ODR4: variants seen among roughly 807,000 people sequenced by gnomAD.
The protein encoded by ODR4 is odr-4 GPCR localization factor homolog.
ODR4 carries 47 observed loss-of-function variants against 60.2 expected under a neutral mutation model. The observed-to-expected ratio is 0.78, with a 90% CI of 0.62 to 1.00. ODR4 has a LOEUF of 1.00. Among genes scored for constraint, ODR4 ranks in the 50% least tolerant of loss-of-function variants. The probability of loss-of-function intolerance (pLI) is 0.00; values close to 1 mark genes in which losing one functional copy is unlikely to be tolerated. For missense variants in ODR4, 488 were observed against 530.8 expected (o/e 0.92, Z 0.79); for synonymous variants, 178 against 175.5 (o/e 1.01, Z -0.11).
At position 186,409,553 on chromosome 1, in the gene ODR4, G is replaced by A. The variant is rs1661295302; in HGVS notation, c.1186+3285G>A. On this transcript the variant is annotated intron_variant, in intron 12 of 13. Transcript: ENST00000287859. ...CAAGGAGCTAAGTAGATTTTTGTTT[G>A]TTTGTTTTTTGAGACGGAGTCTCGC... Among the ~76,000 whole-genome samples the A allele has an allele frequency of 2.6e-5, 4 of 152,276 alleles. 1 individual carries two copies. In the South Asian group the frequency reaches 8.3e-4, roughly 32 times the overall value.
At chr1:186,389,087 C>T (rs1237976698) in intron 5 of ODR4, among the ~76,000 whole-genome samples, 3 of 151,766 alleles carry the variant, frequency 2.0e-5, no homozygotes, top group Admixed American at 6.6e-5. Context: ...AGGAGTGACA[C>T]GATCCATGGA....
At chr1:186,391,814 T>C in intron 8 of ODR4, 23 bp downstream of exon 8, 2 of 1,412,838 alleles carry the variant, frequency 1.4e-6, no homozygotes, top group South Asian at 1.2e-5. Context: ...AAAATCATCT[T>C]ATTAAATTGT....
chr1:186,423,443 CTTTTTTTTTTTT>C (rs34515188), downstream of ODR4, among the ~76,000 whole-genome samples: 49 of 44,742 alleles, frequency 1.1e-3, no homozygotes, highest in Middle Eastern at 0.025. Flanking sequence ...ACTACTTGTG[CTTTTTTTTTTTT>C]TTTTTTTTTT....
intron 11 of ODR4, among the ~76,000 whole-genome samples, chr1:186,404,089 G>A (rs1029126514): frequency 1.3e-5 from 2 of 152,064 alleles, no homozygotes; most frequent in Non-Finnish European, 2.9e-5. Context: ...TACCAGCTAG[G>A]ACATTTAACC....
At chr1:186,379,708 TAA>T (rs1235216680) in intron 1 of ODR4, 57 bp from the exon 2 acceptor site, 13 of 907,986 alleles carry the variant, frequency 1.4e-5, no homozygotes, top group Non-Finnish European at 2.0e-5. Context: ...ACTCCCATGA[TAA>T]AGACATTGCA....
At chr1:186,433,079 CG>C in the ODR4 span, among the ~76,000 whole-genome samples, 1 of 152,026 alleles carries the variant, frequency 6.6e-6, no homozygotes, top group East Asian at 1.9e-4. Flanking sequence ...CTACCGCACC[CG>C]GCCAGATATT....
chr1:186,410,387 C>T lies in ODR4; in HGVS notation c.1186+4119C>T, dbSNP rs534286703. 4.6e-5 allele frequency among the ~76,000 whole-genome samples: 7 copies of T among 152,202 alleles called. No individual in the cohort carries two copies. In the South Asian group the frequency reaches 1.2e-3, roughly 27 times the overall value. ...AAATATGTAGCACTAGTTGTTGCCC[C>T]AGAAATTTTAATCTAGTTTACAGCA... On this transcript the variant is annotated intron_variant, in intron 12 of 13. Transcript: ENST00000287859.
intron 9 of ODR4, among the ~76,000 whole-genome samples, chr1:186,394,465 T>C (rs1660594625): frequency 1.3e-5 from 2 of 152,194 alleles, no homozygotes; most frequent in Non-Finnish European, 1.5e-5. Flanking sequence ...TTTATATTTA[T>C]GTATGGTTGC....
chr1:186,392,868 G>A (rs1035785520), intron 8 of ODR4, among the ~76,000 whole-genome samples: 2 of 152,186 alleles, frequency 1.3e-5, no homozygotes, highest in Admixed American at 6.5e-5. Flanking sequence ...GCCGGGTGTG[G>A]TGGCAGGTGC....
At chr1:186,382,918 A>T in intron 2 of ODR4, 104 bp from the exon 3 acceptor site, 1 of 1,152,694 alleles carries the variant, frequency 8.7e-7, no homozygotes, top group Non-Finnish European at 1.2e-6. Flanking sequence ...TACAAATATT[A>T]CTCAGTTTTT....
chr1:186,410,450 T>G (rs1412976317), intron 12 of ODR4, among the ~76,000 whole-genome samples: 3 of 152,202 alleles, frequency 2.0e-5, no homozygotes, highest in African/African-American at 7.2e-5. Context: ...ATTAAGCTTA[T>G]GCTCTGTTCA....
intron 11 of ODR4, among the ~76,000 whole-genome samples, chr1:186,402,661 A>G (rs562325328): frequency 1.3e-4 from 19 of 151,354 alleles, no homozygotes; most frequent in Admixed American, 1.1e-3. Flanking sequence ...GATCATAGCT[A>G]AATACAGCTT....
At position 186,398,378 on chromosome 1, in the gene ODR4, G is replaced by C. The variant is rs1321428473; in HGVS notation, c.846G>C (p.Lys282Asn). 9 of 1,611,564 alleles carry C rather than the reference G, an allele frequency of 5.6e-6. No homozygotes were observed. Among genetic ancestry groups the C allele is most frequent in the Non-Finnish European group, 6.8e-6 (8 of 1,178,544 alleles). The change falls in exon 10 of 14, where the codon AAG (lysine) becomes AAC (asparagine). Residue 282 changes from lysine to asparagine, a missense_variant. Physicochemically the swap from Lys to Asn is moderately conservative, Grantham distance 94. Coordinates refer to ENST00000287859, the MANE Select transcript of ODR4 (RefSeq NM_017847.6). The stretch of plus-strand genomic sequence containing the variant: ...TATGTAGCGGTTCTGTAAACCTTAA[G>C]GGTGCTGTGAAATGCAGAGCTTATA... The part of the protein sequence containing the change: ...VQICSGSVNL[K>N]GAVKCRAYIH...
Position 186,417,534 on chromosome 1 carries a change from A to G in ODR4, c.1187-10A>G. The G allele has an allele frequency of 7.1e-7, 1 of 1,414,404 alleles. No individual in the cohort carries two copies. Among genetic ancestry groups the G allele is most frequent in the South Asian group, 1.2e-5 (1 of 81,406 alleles). 87.6% of individuals were successfully genotyped at this position (1,414,404 alleles called of 1,614,324 possible). A position where few individuals can be genotyped will look rare whatever the true frequency, so the allele number is the denominator to read the frequency against. On this transcript the variant is annotated splice_polypyrimidine_tract_variant and intron_variant, in intron 12 of 13. Transcript: ENST00000287859. ...TTTATGTGGAATTTATTATTATTAT[A>G]CCCTTTCAGCTTGTATGAGTTCTTC...
Position 186,419,976 on chromosome 1 carries a change from A to G in ODR4, c.*900A>G, listed in dbSNP as rs1330693090. ...AATACGTGCTTTCTCAGGTTACTGTATAACTGTTATAATATATTTAATATA... is the reference window on the plus strand; with the variant it reads ...AATACGTGCTTTCTCAGGTTACTGTGTAACTGTTATAATATATTTAATATA... On this transcript the variant is annotated 3_prime_UTR_variant, in exon 14 of 14. Coordinates refer to ENST00000287859, the MANE Select transcript of ODR4 (RefSeq NM_017847.6). 1.3e-5 allele frequency: 2 copies of G among 152,138 alleles called. No homozygotes were observed. Among genetic ancestry groups the G allele is most frequent in the African/African-American group, 4.8e-5 (2 of 41,452 alleles). The allele number at this position is 152,138 out of a possible 1,614,324, so 9.4% of individuals were successfully genotyped here.
Position 186,383,136 on chromosome 1 carries a change from G to A in ODR4, c.214G>A (p.Ala72Thr). 6.4e-7 allele frequency: 1 copy of A among 1,553,528 alleles called. No homozygotes were observed. The highest frequency in any genetic ancestry group is 8.7e-7 in the Non-Finnish European group (1 of 1,148,002). Reference protein sequence around the residue: ...AKLDNLDEEWATEHACQVSRM... With the variant: ...AKLDNLDEEWTTEHACQVSRM... ...GTTGGATAACTTGGATGAAGAATGG[G>A]CCACAGAACATGCCTGCCAGGTTAT... Residue 72 changes from alanine to threonine, a missense_variant, in exon 3 of 14, where the codon GCC (alanine) becomes ACC (threonine). By Grantham distance (58) the Ala-to-Thr change is moderately conservative (BLOSUM62 0). Coordinates refer to ENST00000287859, the MANE Select transcript of ODR4 (RefSeq NM_017847.6).
chr1:186,390,104 C>T (rs1283499647), intron 6 of ODR4, among the ~76,000 whole-genome samples: 1 of 152,124 alleles, frequency 6.6e-6, no homozygotes, highest in African/African-American at 2.4e-5. Context: ...CCACGGCCAG[C>T]CAACTTTTTA....
chr1:186,429,359 C>T, the ODR4 span, among the ~76,000 whole-genome samples: 2 of 152,078 alleles, frequency 1.3e-5, no homozygotes, highest in African/African-American at 2.4e-5. Flanking sequence ...TGAGCATATA[C>T]TGTTGGAAAA....
downstream of ODR4, among the ~76,000 whole-genome samples, chr1:186,425,396 G>A (rs1011109252): frequency 1.3e-5 from 2 of 152,140 alleles, no homozygotes; most frequent in Non-Finnish European, 2.9e-5. Flanking sequence ...AATTGGGCAC[G>A]TCTAATTCCT....
Sources: allele counts gnomAD v4.1 joint callset (sites outside exome capture counted in the v4.1 genomes callset), GRCh38; gene constraint gnomAD v4.1.1; transcripts MANE v1.5; gene names NCBI Gene and HGNC (gene_info 2026-07-23, HGNC 2026-07-21).